KAT2B: variants seen among roughly 807,000 people sequenced by gnomAD.
The protein encoded by KAT2B is lysine acetyltransferase 2B, also known as histone acetyltransferase KAT2B.
Under a neutral mutation model 105.9 loss-of-function variants are expected in KAT2B, and 36 were observed. The observed-to-expected ratio is 0.34, with a 90% CI of 0.26 to 0.45. KAT2B has a LOEUF of 0.45. Ranked by LOEUF, KAT2B falls within the 20% of genes least tolerant of loss-of-function variation. The pLI is 1.00. For synonymous variants in KAT2B, 397 were observed against 377.9 expected (o/e 1.05, Z -0.59); for missense variants, 820 against 1,021.6 (o/e 0.80, Z 2.69).
chr3:20,108,585 A>C (rs574885408), intron 5 of KAT2B, among the ~76,000 whole-genome samples: 1 of 152,296 alleles, frequency 6.6e-6, no homozygotes, highest in South Asian at 2.1e-4. Flanking sequence ...ACTTACCATT[A>C]TGTTACAGTC....
At chr3:20,069,033 A>G (rs1698273089) in intron 1 of KAT2B, among the ~76,000 whole-genome samples, 1 of 152,200 alleles carries the variant, frequency 6.6e-6, no homozygotes, top group Non-Finnish European at 1.5e-5. Context: ...AGGGGAAGAA[A>G]GCTGTTTTCC....
At chr3:20,095,171 A>T in intron 2 of KAT2B, 92 bp from the exon 3 acceptor site, 1 of 1,019,136 alleles carries the variant, frequency 9.8e-7, no homozygotes, top group Non-Finnish European at 1.5e-6. Context: ...GATTGATGGT[A>T]AGACTGATGA....
rs564792358 is a variant in KAT2B, at chr3:20,058,283, C to A, written c.304-14050C>A. Among the ~76,000 whole-genome samples, 331 of 151,918 alleles carry A rather than the reference C, an allele frequency of 2.2e-3. 1 individual carries two copies. Among genetic ancestry groups the A allele is most frequent in the Non-Finnish European group, 3.0e-3 (204 of 67,972 alleles). On this transcript the variant is annotated intron_variant, in intron 1 of 17. Coordinates refer to ENST00000263754, the MANE Select transcript of KAT2B (RefSeq NM_003884.5). ...GACCAGCCTGGCCAACATGGTGAAACCCCGTCTCTATTAAAAATACAAAAA... is the reference window on the plus strand; with the variant it reads ...GACCAGCCTGGCCAACATGGTGAAAACCCGTCTCTATTAAAAATACAAAAA...
chr3:20,045,090 C>T (rs1697785000), intron 1 of KAT2B, among the ~76,000 whole-genome samples: 1 of 152,132 alleles, frequency 6.6e-6, no homozygotes, highest in Admixed American at 6.5e-5. Context: ...TCTTGGCTCA[C>T]TGCAACCTGT....
At chr3:20,132,232 G>A (rs990601418) in intron 11 of KAT2B, among the ~76,000 whole-genome samples, 1 of 152,124 alleles carries the variant, frequency 6.6e-6, no homozygotes, top group Non-Finnish European at 1.5e-5. Flanking sequence ...AAATTAGCTG[G>A]GTGTGGTGGT....
At chr3:20,077,378 GCC>G (rs1365528493) in intron 2 of KAT2B, among the ~76,000 whole-genome samples, 4 of 152,126 alleles carry the variant, frequency 2.6e-5, no homozygotes, top group Admixed American at 6.6e-5. Flanking sequence ...TTCTAGCTTG[GCC>G]CTGCAGTTTA....
chr3:20,152,160 CTTAAGAT>C (rs1230263780), intron 17 of KAT2B, among the ~76,000 whole-genome samples, 165 bp from the exon 18 acceptor site: 1 of 152,042 alleles, frequency 6.6e-6, no homozygotes, highest in Non-Finnish European at 1.5e-5. Flanking sequence ...AAAGAATGAA[CTTAAGAT>C]TTAAGAACTG....
At chr3:20,055,622 A>G (rs189585848) in intron 1 of KAT2B, among the ~76,000 whole-genome samples, 1 of 150,724 alleles carries the variant, frequency 6.6e-6, no homozygotes, top group African/African-American at 2.4e-5. Flanking sequence ...GTGTGGCTAG[A>G]TGGAGGTGGG....
rs147272751 is a variant in KAT2B, at chr3:20,115,636, T to A, written c.1150+648T>A. The stretch of plus-strand genomic sequence containing the variant: ...TTTAAAAACAAAATTGAAGTATAAT[T>A]TATATATAGTAAAATGTACTCTTTT... On this transcript the variant is annotated intron_variant, in intron 7 of 17. Transcript: ENST00000263754. Among the ~76,000 whole-genome samples, 3 of 152,152 alleles carry A rather than the reference T, an allele frequency of 2.0e-5. No homozygotes were observed. The East Asian group carries it at 5.8e-4, about 29-fold the overall frequency.
intron 1 of KAT2B, among the ~76,000 whole-genome samples, chr3:20,055,027 T>C (rs1368534398): frequency 2.0e-5 from 3 of 151,844 alleles, no homozygotes; most frequent in Non-Finnish European, 2.9e-5. Context: ...AGAGAAACCA[T>C]TGTGAGCCAG....
At chr3:20,113,994 T>G (rs1193555924) in intron 6 of KAT2B, among the ~76,000 whole-genome samples, 1 of 152,114 alleles carries the variant, frequency 6.6e-6, no homozygotes, top group East Asian at 1.9e-4. Flanking sequence ...TTAGTGCTTT[T>G]AGTTATTTCT....
At chr3:20,117,600 G>A (rs1477807679) in intron 7 of KAT2B, among the ~76,000 whole-genome samples, 1 of 152,166 alleles carries the variant, frequency 6.6e-6, no homozygotes, top group East Asian at 1.9e-4. Flanking sequence ...TGGCTATTCA[G>A]TTAGAAGTGC....
rs565197552 is a variant in KAT2B, at chr3:20,106,418, T to C, written c.851+4950T>C. On this transcript the variant is annotated intron_variant, in intron 5 of 17. Coordinates refer to ENST00000263754, the MANE Select transcript of KAT2B (RefSeq NM_003884.5). Reference sequence around the variant, plus strand: ...TGTGCAATAATAATATCAATCAATTTATTAAAACAACACCAGAAGTACACA... The same window carrying C: ...TGTGCAATAATAATATCAATCAATTCATTAAAACAACACCAGAAGTACACA... 9.3e-5 allele frequency among the ~76,000 whole-genome samples: 14 copies of C among 150,834 alleles called. No homozygotes were observed. In the South Asian group the frequency reaches 2.5e-3, roughly 27 times the overall value.
intron 1 of KAT2B, among the ~76,000 whole-genome samples, chr3:20,054,087 T>C (rs1033792883): frequency 6.6e-6 from 1 of 151,812 alleles, no homozygotes; most frequent in African/African-American, 2.4e-5. Context: ...CATGAGCCAT[T>C]GTGTCCGGCT....
chr3:20,103,366 A>G (rs983809329), intron 5 of KAT2B, among the ~76,000 whole-genome samples: 1 of 152,146 alleles, frequency 6.6e-6, no homozygotes, highest in Non-Finnish European at 1.5e-5. Flanking sequence ...AGGAGAATTA[A>G]TTGTGAAGCA....
chr3:20,041,166 G>A (rs1183654692), intron 1 of KAT2B, among the ~76,000 whole-genome samples: 2 of 152,086 alleles, frequency 1.3e-5, no homozygotes, highest in Non-Finnish European at 2.9e-5. Flanking sequence ...ATCTTTTGGG[G>A]GACTGAGTGG....
intron 1 of KAT2B, among the ~76,000 whole-genome samples, chr3:20,049,773 A>C (rs74481136): frequency 0.029 from 4,483 of 152,218 alleles, 218 homozygotes; most frequent in African/African-American, 0.1. Context: ...GATTGTTTTA[A>C]AGTTGACAAT....
chr3:20,116,901 A>G (rs569349306), intron 7 of KAT2B, among the ~76,000 whole-genome samples: 4 of 152,318 alleles, frequency 2.6e-5, no homozygotes, highest in African/African-American at 9.6e-5. Flanking sequence ...TAAATATTAC[A>G]CTGTATTAAG....
chr3:20,080,754 G>T (rs767323005), intron 2 of KAT2B, among the ~76,000 whole-genome samples: 15 of 152,170 alleles, frequency 9.9e-5, no homozygotes, highest in Non-Finnish European at 2.2e-4. Context: ...TGCTGTAAGC[G>T]TGAAATGCAC....
Sources: allele counts gnomAD v4.1 joint callset (sites outside exome capture counted in the v4.1 genomes callset), GRCh38; gene constraint gnomAD v4.1.1; transcripts MANE v1.5; gene names NCBI Gene and HGNC (gene_info 2026-07-23, HGNC 2026-07-21).